FAT3: variants seen among roughly 807,000 people sequenced by gnomAD.
The protein encoded by FAT3 is FAT atypical cadherin 3.
In FAT3, 95 loss-of-function variants were observed where a neutral mutation model predicts 310.2. That is an observed-to-expected ratio of 0.31 (90% CI 0.26 to 0.36). FAT3 has a LOEUF of 0.36. Among genes scored for constraint, FAT3 ranks in the 10% least tolerant of loss-of-function variants. The probability of loss-of-function intolerance (pLI) is 1.00; values close to 1 mark genes in which losing one functional copy is unlikely to be tolerated. For synonymous variants in FAT3, 2,314 were observed against 2,192.9 expected (o/e 1.06, Z -1.54); for missense variants, 5,408 against 5,715.6 (o/e 0.95, Z 1.74).
At chr11:92,696,038 T>C (rs1031743563) in intron 3 of FAT3, among the ~76,000 whole-genome samples, 4 of 152,152 alleles carry the variant, frequency 2.6e-5, no homozygotes, top group African/African-American at 4.8e-5. Flanking sequence ...TTGTAGGTGA[T>C]GGATATGTTA....
In FAT3 at chr11:92,801,178, C is replaced by A; in HGVS notation, c.8165C>A (p.Ala2722Asp). ...TCCTTTACCATTGCAGAAGATACAG[C>A]CATTGGGAGTACAGTGGACACCCTG... The part of the protein sequence containing the change: ...QYSFTIAEDT[A>D]IGSTVDTLRI... Residue 2722 changes from alanine to aspartate, a missense_variant, in exon 10 of 28, where the codon GCC becomes GAC. Coordinates refer to ENST00000525166, the MANE Select transcript of FAT3 (RefSeq NM_001367949.2). 1 of 1,613,896 alleles carries A rather than the reference C, an allele frequency of 6.2e-7. No homozygotes were observed. The highest frequency in any genetic ancestry group is 8.5e-7 in the Non-Finnish European group (1 of 1,179,864).
intron 1 of FAT3, among the ~76,000 whole-genome samples, chr11:92,334,537 A>G (rs1948003906): frequency 6.6e-6 from 1 of 151,498 alleles, no homozygotes; most frequent in East Asian, 1.9e-4. Context: ...AAAGAGACTG[A>G]TCTATTGCCT....
chr11:92,689,341 A>T (rs1308700138), intron 3 of FAT3, among the ~76,000 whole-genome samples: 1 of 152,172 alleles, frequency 6.6e-6, no homozygotes, highest in African/African-American at 2.4e-5. Flanking sequence ...TATGAAAAAA[A>T]TCTTGGCAGA....
chr11:92,887,504 T>C (rs566804156), intron 25 of FAT3, among the ~76,000 whole-genome samples: 1 of 152,338 alleles, frequency 6.6e-6, no homozygotes, highest in African/African-American at 2.4e-5. Context: ...TCCCCGTCAT[T>C]AGAAATTAGT....
chr11:92,247,259 G>C (rs187473386), intron 1 of FAT3, among the ~76,000 whole-genome samples: 126 of 151,958 alleles, frequency 8.3e-4, no homozygotes, highest in African/African-American at 2.8e-3. Context: ...AATATAGAAG[G>C]CTCTTGCCTT....
Position 92,801,974 on chromosome 11 carries a change from G to A in FAT3, c.8896+65G>A, listed in dbSNP as rs1428774313. On this transcript the variant is annotated intron_variant, in intron 10 of 27. Transcript: ENST00000525166. Reference sequence around the variant, plus strand: ...TATAAAGAAAGATGGAAGATGGCGGGGAGAAGAGTAAGAGAGAAGGAAGAT... The same window carrying A: ...TATAAAGAAAGATGGAAGATGGCGGAGAGAAGAGTAAGAGAGAAGGAAGAT... The A allele has an allele frequency of 1.1e-5, 16 of 1,459,920 alleles. No homozygotes were observed. In the African/African-American group the frequency reaches 1.1e-4, roughly 10 times the overall value. 90.4% of individuals were successfully genotyped at this position (1,459,920 alleles called of 1,614,324 possible).
chr11:92,346,706 T>C (rs1433239425), intron 1 of FAT3, among the ~76,000 whole-genome samples: 1 of 152,148 alleles, frequency 6.6e-6, no homozygotes, highest in Non-Finnish European at 1.5e-5. Flanking sequence ...ATAGAGAAAC[T>C]GAGATTTAAT....
intron 2 of FAT3, among the ~76,000 whole-genome samples, chr11:92,415,568 T>C (rs1208460745): frequency 6.6e-6 from 1 of 152,174 alleles, no homozygotes; most frequent in East Asian, 1.9e-4. Context: ...ATGCTTCAGA[T>C]GCCAGTGGCT....
rs1357560100 is a variant in FAT3, at chr11:92,806,496, T to C, written c.9228T>C (p.Phe3076=). The change falls in exon 12 of 28, where the codon TTT becomes TTC. Residue 3076 remains phenylalanine (F), a synonymous_variant. Coordinates refer to ENST00000525166, the MANE Select transcript of FAT3 (RefSeq NM_001367949.2). ...YSLYGSGNSE[F]FLDPESGELK... ...TCTATGGATCTGGAAACAGTGAATT[T>C]TTTCTAGATCCAGAAAGTGGTAAGC... is the stretch of plus-strand genomic sequence containing the variant. 2.6e-6 allele frequency: 4 copies of C among 1,547,980 alleles called. No homozygotes were observed. The highest frequency in any genetic ancestry group is 3.5e-6 in the Non-Finnish European group (4 of 1,143,606).
In FAT3 at chr11:92,353,100, A is replaced by G. The variant is rs1565249027; in HGVS notation, c.988A>G (p.Lys330Glu). ...WLNEYKIKER[K>E]QIDWESFPYG... The stretch of plus-strand genomic sequence containing the variant: ...GAATGAGTACAAGATTAAGGAGAGG[A>G]AGCAGATTGACTGGGAGAGCTTTCC... The change falls in exon 2 of 28, where the codon AAG (lysine) becomes GAG (glutamate). Residue 330 changes from lysine to glutamate, a missense_variant. This residue lies in a region of FAT3 where 4,588 missense variants were observed against 4,809.8 expected (regional missense o/e 0.95). Transcript: ENST00000525166. 6.2e-7 allele frequency: 1 copy of G among 1,613,668 alleles called. No individual in the cohort carries two copies. The highest frequency in any genetic ancestry group is 8.5e-7 in the Non-Finnish European group (1 of 1,179,848).
At chr11:92,552,230 C>T (rs1162567410) in intron 3 of FAT3, among the ~76,000 whole-genome samples, 2 of 152,104 alleles carry the variant, frequency 1.3e-5, no homozygotes, top group African/African-American at 4.8e-5. Flanking sequence ...TATTGAATAA[C>T]AGTAGAAAAT....
intron 2 of FAT3, among the ~76,000 whole-genome samples, chr11:92,507,771 A>G (rs1282991972): frequency 6.6e-6 from 1 of 151,986 alleles, no homozygotes; most frequent in Admixed American, 6.6e-5. Context: ...ATACACACAT[A>G]TACACACATC....
chr11:92,358,210 T>G (rs1290421882), intron 2 of FAT3, among the ~76,000 whole-genome samples: 1 of 151,918 alleles, frequency 6.6e-6, no homozygotes, highest in African/African-American at 2.4e-5. Context: ...AAATAAAAAC[T>G]TTTGTCATCA....
intron 1 of FAT3, among the ~76,000 whole-genome samples, chr11:92,343,915 A>G (rs953093731): frequency 2.0e-4 from 30 of 152,266 alleles, no homozygotes; most frequent in East Asian, 1.5e-3. Flanking sequence ...CTTAGACTCA[A>G]TGTTGACCCA....
chr11:92,815,006 G>T (rs1947786044), intron 13 of FAT3, among the ~76,000 whole-genome samples: 1 of 152,200 alleles, frequency 6.6e-6, no homozygotes, highest in Non-Finnish European at 1.5e-5. Flanking sequence ...ACATCATGTA[G>T]TCCAAGAGGG....
At chr11:92,863,351 A>C (rs1274774381) in intron 21 of FAT3, among the ~76,000 whole-genome samples, 1 of 152,202 alleles carries the variant, frequency 6.6e-6, no homozygotes, top group Non-Finnish European at 1.5e-5. Context: ...CATGCCAAGA[A>C]TCTGAAGCAG....
chr11:92,325,519 T>A (rs1947740034), intron 1 of FAT3, among the ~76,000 whole-genome samples: 2 of 152,200 alleles, frequency 1.3e-5, no homozygotes, highest in South Asian at 4.1e-4. Flanking sequence ...ATTTTCTCAT[T>A]CTGACAGGCA....
At chr11:92,493,331 C>T (rs1019875162) in intron 2 of FAT3, among the ~76,000 whole-genome samples, 1 of 152,070 alleles carries the variant, frequency 6.6e-6, no homozygotes, top group East Asian at 1.9e-4. Context: ...TGGCTGTTGG[C>T]CTTACTCTGA....
At chr11:92,438,474 AT>A (rs749751859) in intron 2 of FAT3, among the ~76,000 whole-genome samples, 24 of 152,186 alleles carry the variant, frequency 1.6e-4, no homozygotes, top group Non-Finnish European at 2.9e-4. Flanking sequence ...TATTTTAACC[AT>A]TTTTAAATGT....
Sources: allele counts gnomAD v4.1 joint callset (sites outside exome capture counted in the v4.1 genomes callset), GRCh38; gene constraint gnomAD v4.1.1; regional missense constraint gnomAD v4.1.1; transcripts MANE v1.5; gene names NCBI Gene and HGNC (gene_info 2026-07-23, HGNC 2026-07-21).